NAA40: variants seen among roughly 807,000 people sequenced by gnomAD.
NAA40 encodes the protein N-alpha-acetyltransferase 40, NatD catalytic subunit.
NAA40 carries 26 observed loss-of-function variants against 36.6 expected under a neutral mutation model. That is an observed-to-expected ratio of 0.71 (90% confidence interval 0.52 to 0.98). The LOEUF is 0.98. NAA40 is among the 50% of genes least tolerant of loss of function. The pLI, the probability that NAA40 is intolerant of heterozygous loss-of-function variation, is 0.00. For missense variants in NAA40, 237 were observed against 306.5 expected, an observed-to-expected ratio of 0.77 and a Z score of 1.69; for synonymous variants, 129 against 108.4, an observed-to-expected ratio of 1.19 and a Z score of -1.18.
chr11:63,939,527 T>C, intron 1 of NAA40: 2 of 989,718 alleles, frequency 2.0e-6, no homozygotes, highest in Non-Finnish European at 2.4e-6. Context: ...AGAAGGCGCC[T>C]AGCCAAGGTC....
intron 3 of NAA40, 113 bp downstream of exon 3, chr11:63,947,116 A>C: frequency 8.5e-7 from 1 of 1,181,220 alleles, no homozygotes; most frequent in Non-Finnish European, 1.3e-6. Context: ...CGTATTTACG[A>C]AAAAACAGGG....
intron 1 of NAA40, among the ~76,000 whole-genome samples, chr11:63,945,367 C>T (rs901543428): frequency 6.6e-6 from 1 of 152,184 alleles, no homozygotes; most frequent in Non-Finnish European, 1.5e-5. Context: ...CCAACCAGAT[C>T]TTTGTCTCCC....
rs1942179065 is a variant in NAA40 at position 63,945,929 on chromosome 11, C to G, written c.96C>G (p.Ala32=). ...CCGTTTGTGCCAAAGTGGACGCTGC[C>G]AACAGGGTGATTCTCCCTTTCTTCC... is the stretch of plus-strand genomic sequence containing the variant. ...MDAVCAKVDA[A]NRLGDPLEAF... Residue 32 remains alanine (A), a synonymous_variant, in exon 2 of 8, where the codon GCC becomes GCG. Coordinates refer to ENST00000377793, the MANE Select transcript of NAA40 (RefSeq NM_024771.4). 6.2e-7 allele frequency: 1 copy of G among 1,613,674 alleles called. No homozygotes were observed. The highest frequency in any genetic ancestry group is 8.5e-7 in the Non-Finnish European group (1 of 1,179,698).
rs1356237549 is a variant in NAA40, at chr11:63,947,013, A to G, written c.155+10A>G. On this transcript the variant is annotated intron_variant, in intron 3 of 7. Coordinates refer to ENST00000377793, the MANE Select transcript of NAA40 (RefSeq NM_024771.4). The stretch of plus-strand genomic sequence containing the variant: ...AATATGATAGAAACGGGTGAGTCAC[A>G]TTGAGCATTACCAACTGCTGTCTCC... 1.2e-6 allele frequency: 2 copies of G among 1,613,042 alleles called. No homozygotes were observed. Among genetic ancestry groups the G allele is most frequent in the East Asian group, 2.2e-5 (1 of 44,890 alleles).
intron 2 of NAA40, chr11:63,946,516 T>G: frequency 1.8e-6 from 2 of 1,139,744 alleles, no homozygotes; most frequent in Non-Finnish European, 2.2e-6. Flanking sequence ...CTGCCTCCAT[T>G]TAGTATCCCA....
chr11:63,943,173 C>CT (rs905092293), intron 1 of NAA40, among the ~76,000 whole-genome samples: 3 of 152,110 alleles, frequency 2.0e-5, no homozygotes, highest in African/African-American at 7.2e-5. Flanking sequence ...GATGGAGTTG[C>CT]TTTCATAAGT....
At position 63,952,803 on chromosome 11, in the gene NAA40, A is replaced by C. The variant is rs1942302443; in HGVS notation, c.458A>C (p.Lys153Thr). ...ESKVRRKGLGKFLIQILQLMA... is the reference protein window; with the variant it reads ...ESKVRRKGLGTFLIQILQLMA... ...AAGGTGCGGCGGAAAGGCCTGGGGAAGTTCCTCATACAGATCCTGCAGCTC... is the reference window on the plus strand; with the variant it reads ...AAGGTGCGGCGGAAAGGCCTGGGGACGTTCCTCATACAGATCCTGCAGCTC... Residue 153 changes from lysine to threonine, a missense_variant, in exon 6 of 8, where the codon AAG (lysine) becomes ACG (threonine). Transcript: ENST00000377793. The C allele has an allele frequency of 2.5e-6, 4 of 1,614,142 alleles. No homozygotes were observed. Among genetic ancestry groups the C allele is most frequent in the Non-Finnish European group, 3.4e-6 (4 of 1,180,024 alleles).
At chr11:63,954,259 C>T in intron 7 of NAA40, 79 bp from the exon 8 acceptor site, 1 of 1,518,044 alleles carries the variant, frequency 6.6e-7, no homozygotes, top group Non-Finnish European at 8.8e-7. Flanking sequence ...ATCAGTGTGG[C>T]TGGTAGAAGA....
rs1230591390 is a variant in NAA40, at chr11:63,952,536, C to T, written c.381C>T (p.Asp127=). ...VPVAFSHFRF[D]VECGDEVLYC... ...TTGCCTTTTCTCACTTCCGGTTTGACGTGGAGTGTGGGGATGAAGTCCTGT... is the reference window on the plus strand; with the variant it reads ...TTGCCTTTTCTCACTTCCGGTTTGATGTGGAGTGTGGGGATGAAGTCCTGT... The change falls in exon 5 of 8, where the codon GAC becomes GAT. Residue 127 remains aspartate (D), a synonymous_variant. Coordinates refer to ENST00000377793, the MANE Select transcript of NAA40 (RefSeq NM_024771.4). 6 of 1,614,090 alleles carry T rather than the reference C, an allele frequency of 3.7e-6. No homozygotes were observed. Among genetic ancestry groups the T allele is most frequent in the Middle Eastern group, 1.6e-4 (1 of 6,062 alleles).
chr11:63,944,628 C>T (rs149989986), intron 1 of NAA40, among the ~76,000 whole-genome samples: 27 of 152,202 alleles, frequency 1.8e-4, no homozygotes, highest in East Asian at 3.9e-4. Flanking sequence ...ACAGCCCTGG[C>T]GCAGTGGCTC....
Position 63,954,546 on chromosome 11 carries a change from G to C in NAA40, c.*67G>C. 2 of 1,498,656 alleles carry C rather than the reference G, an allele frequency of 1.3e-6. No individual in the cohort carries two copies. Among genetic ancestry groups the C allele is most frequent in the Non-Finnish European group, 1.8e-6 (2 of 1,121,526 alleles). The allele number at this position is 1,498,656 out of a possible 1,614,324, so 92.8% of individuals were successfully genotyped here. ...GCCTTTCCTCTTTCCTGGTCTCACT[G>C]TTCACCGGGTGTCCTCAGAGCTGTG... is the stretch of plus-strand genomic sequence containing the variant. On this transcript the variant is annotated 3_prime_UTR_variant, in exon 8 of 8. Coordinates refer to ENST00000377793, the MANE Select transcript of NAA40 (RefSeq NM_024771.4).
At position 63,939,005 on chromosome 11, in the gene NAA40, C is replaced by A; in HGVS notation, c.-92C>A. ...GGCGCATGCGCGTTGCAGGGCCGTC[C>A]GCTCTGCTGCCGCCGCTGTTGCAGC... On this transcript the variant is annotated 5_prime_UTR_variant, in exon 1 of 8. Coordinates refer to ENST00000377793, the MANE Select transcript of NAA40 (RefSeq NM_024771.4). 2 of 1,279,876 alleles carry A rather than the reference C, an allele frequency of 1.6e-6. No homozygotes were observed. The highest frequency in any genetic ancestry group is 2.4e-4 in the Middle Eastern group (1 of 4,102). The allele number at this position is 1,279,876 out of a possible 1,614,324, so 79.3% of individuals were successfully genotyped here.
intron 1 of NAA40, among the ~76,000 whole-genome samples, chr11:63,942,236 C>T (rs1942119784): frequency 6.6e-6 from 1 of 152,148 alleles, no homozygotes; most frequent in African/African-American, 2.4e-5. Flanking sequence ...CCTGCAAGTT[C>T]CTTAACTCTC....
Position 63,954,647 on chromosome 11 carries a change from C to T in NAA40, c.*168C>T, listed in dbSNP as rs901007892. The T allele has an allele frequency of 3.2e-6, 2 of 631,490 alleles. No individual in the cohort carries two copies. The highest frequency in any genetic ancestry group is 4.1e-5 in the Admixed American group (1 of 24,606). The allele number at this position is 631,490 out of a possible 1,614,324, so 39.1% of individuals were successfully genotyped here. A position where few individuals can be genotyped will look rare whatever the true frequency, so the allele number is the denominator to read the frequency against. ...TGGGGAGAAGTGGTATCAGCTGCTC[C>T]TCCTCTCCTAGGAGACCAGAGTGCT... On this transcript the variant is annotated 3_prime_UTR_variant, in exon 8 of 8. Transcript: ENST00000377793.
chr11:63,950,315 C>T (rs905548383), intron 3 of NAA40, among the ~76,000 whole-genome samples: 6 of 152,094 alleles, frequency 3.9e-5, no homozygotes, highest in South Asian at 2.1e-4. Context: ...GACGGAGTTT[C>T]GCCATGTTGG....
intron 3 of NAA40, 85 bp from the exon 4 acceptor site, chr11:63,952,153 C>A: frequency 9.3e-7 from 1 of 1,076,826 alleles, no homozygotes; most frequent in Non-Finnish European, 1.4e-6. Flanking sequence ...ACTGGGCCTT[C>A]CTCCCTGTGA....
rs1942197865 is a variant in NAA40, at chr11:63,946,970, C to T, written c.122C>T (p.Ala41Val). The T allele has an allele frequency of 5.0e-6, 8 of 1,614,048 alleles. No individual in the cohort carries two copies. Among genetic ancestry groups the T allele is most frequent in the Non-Finnish European group, 6.8e-6 (8 of 1,180,012 alleles). The part of the protein sequence containing the change: ...AANRLGDPLE[A>V]FPVFKKYDRN... ...CCACAGCTTGGAGACCCTCTGGAGG[C>T]TTTCCCAGTGTTCAAGAAATATGAT... Residue 41 changes from alanine (A) to valine (V), a missense_variant, in exon 3 of 8, where the codon GCT becomes GTT. Physicochemically the swap from Ala to Val is moderately conservative, Grantham distance 64. Coordinates refer to ENST00000377793, the MANE Select transcript of NAA40 (RefSeq NM_024771.4).
At chr11:63,941,119 A>G (rs569659243) in intron 1 of NAA40, among the ~76,000 whole-genome samples, 12 of 152,336 alleles carry the variant, frequency 7.9e-5, no homozygotes, top group South Asian at 2.1e-4. Context: ...TAGGGCCTCA[A>G]TCTTATACTT....
rs1008536294 is a variant in NAA40, at chr11:63,957,103, T to A, written c.*2624T>A. On this transcript the variant is annotated 3_prime_UTR_variant, in exon 8 of 8. Transcript: ENST00000377793. Reference sequence around the variant, plus strand: ...TAGTTATATCCACCCTATTTCAGGTTATTTTTGTTGGTGTCAAGTATGTAT... The same window carrying A: ...TAGTTATATCCACCCTATTTCAGGTAATTTTTGTTGGTGTCAAGTATGTAT... The A allele has an allele frequency of 4.0e-5, 6 of 151,684 alleles. No individual in the cohort carries two copies. Among genetic ancestry groups the A allele is most frequent in the African/African-American group, 1.5e-4 (6 of 41,362 alleles). The allele number at this position is 151,684 out of a possible 1,614,324, so 9.4% of individuals were successfully genotyped here.
Sources: allele counts gnomAD v4.1 joint callset (sites outside exome capture counted in the v4.1 genomes callset), GRCh38; gene constraint gnomAD v4.1.1; transcripts MANE v1.5; gene names NCBI Gene and HGNC (gene_info 2026-07-23, HGNC 2026-07-21).